The following EYA1 variants were observed in gnomAD, a reference collection of about 807,000 sequenced individuals.
EYA1 encodes the protein EYA transcriptional coactivator and phosphatase 1.
EYA1 carries 16 observed loss-of-function variants against 82.0 expected under a neutral mutation model. The ratio of observed to expected loss-of-function variants is 0.20; its 90% CI spans 0.13 to 0.30. The LOEUF (loss-of-function observed/expected upper bound fraction) is 0.30. EYA1 is among the 10% of genes least tolerant of loss of function. The pLI is 1.00. For missense variants in EYA1, 633 were observed against 730.7 expected (o/e 0.87, Z 1.54); for synonymous variants, 261 against 264.4 (o/e 0.99, Z 0.12).
At chr8:71,420,081 T>G (rs906453072) in intron 2 of EYA1, among the ~76,000 whole-genome samples, 1 of 152,162 alleles carries the variant, frequency 6.6e-6, no homozygotes, top group South Asian at 2.1e-4. Context: ...AGCTCAACCA[T>G]GCATAATTGA....
intron 11 of EYA1, among the ~76,000 whole-genome samples, chr8:71,260,645 C>T (rs1029086636): frequency 3.9e-5 from 6 of 152,178 alleles, no homozygotes; most frequent in African/African-American, 1.4e-4. Flanking sequence ...TCAGGATATG[C>T]TACCTACATT....
intron 2 of EYA1, among the ~76,000 whole-genome samples, chr8:71,379,306 T>C (rs1001897226): frequency 6.6e-6 from 1 of 151,996 alleles, no homozygotes; most frequent in Non-Finnish European, 1.5e-5. Context: ...TGAATACATC[T>C]CTACAGGGGC....
intron 11 of EYA1, among the ~76,000 whole-genome samples, chr8:71,267,042 C>G (rs1053522154): frequency 2.0e-5 from 3 of 152,170 alleles, no homozygotes; most frequent in African/African-American, 7.2e-5. Context: ...GCTACAACCT[C>G]CAATTTGGAC....
At chr8:71,513,274 A>C (rs1812735850) in intron 2 of EYA1, among the ~76,000 whole-genome samples, 1 of 152,172 alleles carries the variant, frequency 6.6e-6, no homozygotes, top group Non-Finnish European at 1.5e-5. Flanking sequence ...TAGAATTTTC[A>C]TAATAGAATA....
rs1814708224 is a variant in EYA1 at position 71,258,484 on chromosome 8, T to C, written c.1050+11256A>G. The stretch of plus-strand genomic sequence containing the variant: ...CTCATCTCTGCTAGAAGCCTAACGT[T>C]CTGAGTACCACCTGATACTTCTATG... On this transcript the variant is annotated intron_variant, in intron 11 of 17. Coordinates refer to ENST00000340726, the MANE Select transcript of EYA1 (RefSeq NM_000503.6). Among the ~76,000 whole-genome samples the C allele has an allele frequency of 2.6e-5, 4 of 152,328 alleles. No homozygotes were observed. In the South Asian group the frequency reaches 8.3e-4, roughly 32 times the overall value.
chr8:71,443,415 T>TTGGGTAAAGCACGTGCCATCACGCC (rs1806583461), intron 2 of EYA1, among the ~76,000 whole-genome samples: 1 of 152,134 alleles, frequency 6.6e-6, no homozygotes, highest in Admixed American at 6.6e-5. Context: ...CCTTAGCCAC[T>TTGGGTAAAGCACGTGCCATCACGCC]TGGGTAAAGC....
intron 3 of EYA1, among the ~76,000 whole-genome samples, chr8:71,352,119 T>C (rs2129065853): frequency 6.6e-6 from 1 of 152,322 alleles, no homozygotes; most frequent in East Asian, 1.9e-4. Flanking sequence ...CTTGATTTCA[T>C]TCCTTTAATT....
chr8:71,451,056 GATTTAGATCAT>G (rs551890423), intron 2 of EYA1, among the ~76,000 whole-genome samples: 12 of 152,162 alleles, frequency 7.9e-5, no homozygotes, highest in Admixed American at 6.5e-4. Context: ...AATTGTGAAG[GATTTAGATCAT>G]ATTTTGAATG....
intron 11 of EYA1, among the ~76,000 whole-genome samples, chr8:71,262,272 A>G (rs1200575118): frequency 6.6e-6 from 1 of 152,208 alleles, no homozygotes; most frequent in East Asian, 1.9e-4. Flanking sequence ...ATTTTCTGCT[A>G]CTATTCTTCT....
At position 71,450,095 on chromosome 8, in the gene EYA1, T is replaced by C. The variant is rs184876399; in HGVS notation, c.33+85649A>G. On this transcript the variant is annotated intron_variant, in intron 2 of 18. Transcript: ENST00000643681. ...TTTTCTACCCAGACCACTACAACTC[T>C]CTCCATATCAGCAATAGGCTCTTTT... 1.1e-4 allele frequency among the ~76,000 whole-genome samples: 16 copies of C among 152,330 alleles called. No individual in the cohort carries two copies. The East Asian group carries it at 2.3e-3, about 22-fold the overall frequency.
At chr8:71,208,249 T>G (rs1259602229) in intron 17 of EYA1, among the ~76,000 whole-genome samples, 1 of 151,982 alleles carries the variant, frequency 6.6e-6, no homozygotes, top group East Asian at 1.9e-4. Context: ...TCTGGCTAAC[T>G]GGTGAAACCC....
At chr8:71,504,228 A>G (rs1812025350) in intron 2 of EYA1, among the ~76,000 whole-genome samples, 1 of 152,232 alleles carries the variant, frequency 6.6e-6, no homozygotes, top group Non-Finnish European at 1.5e-5. Flanking sequence ...ATAAATTATT[A>G]AACTGAACTA....
chr8:71,325,725 C>CTA (rs1162442987), intron 4 of EYA1, among the ~76,000 whole-genome samples: 1 of 152,064 alleles, frequency 6.6e-6, no homozygotes, highest in Non-Finnish European at 1.5e-5. Context: ...AACTACTCAC[C>CTA]TAGTTAGGTG....
intron 2 of EYA1, among the ~76,000 whole-genome samples, chr8:71,525,691 T>C (rs967792922): frequency 8.5e-5 from 13 of 152,180 alleles, no homozygotes; most frequent in African/African-American, 3.1e-4. Flanking sequence ...TTAATAGCCG[T>C]GGTGTTTGTT....
intron 2 of EYA1, among the ~76,000 whole-genome samples, chr8:71,534,381 A>G (rs1215376327): frequency 1.3e-5 from 2 of 152,254 alleles, no homozygotes; most frequent in Non-Finnish European, 2.9e-5. Context: ...GTGATCTCAA[A>G]GTGCTTTATG....
At chr8:71,434,323 G>A (rs1805846289) in intron 2 of EYA1, among the ~76,000 whole-genome samples, 1 of 152,134 alleles carries the variant, frequency 6.6e-6, no homozygotes, top group Non-Finnish European at 1.5e-5. Context: ...ATGCAATGGT[G>A]AAATATTCTT....
intron 3 of EYA1, among the ~76,000 whole-genome samples, chr8:71,342,211 G>A (rs1825216058): frequency 6.6e-6 from 1 of 152,054 alleles, no homozygotes. Context: ...ATATTCAGTG[G>A]CTTCTCTACC....
At chr8:71,541,198 A>G (rs1815110505) in intron 1 of EYA1, among the ~76,000 whole-genome samples, 1 of 152,238 alleles carries the variant, frequency 6.6e-6, no homozygotes, top group Non-Finnish European at 1.5e-5. Context: ...GAAAAGGGGT[A>G]TATCCCAACC....
At chr8:71,508,178 T>G (rs1039538998) in intron 2 of EYA1, among the ~76,000 whole-genome samples, 1 of 152,192 alleles carries the variant, frequency 6.6e-6, no homozygotes, top group Non-Finnish European at 1.5e-5. Context: ...TCCGCATTAT[T>G]CAGAAAAATT....
Sources: gnomAD v4.1 joint callset for allele counts (sites outside exome capture counted in the v4.1 genomes callset) on GRCh38, gnomAD v4.1.1 for gene constraint, MANE v1.5 for transcripts, NCBI Gene and HGNC (gene_info 2026-07-23, HGNC 2026-07-21) for gene names.